CTXN2: variants seen among roughly 807,000 people sequenced by gnomAD.
CTXN2 encodes cortexin 2.
In CTXN2, 3 loss-of-function variants were observed where a neutral mutation model predicts 5.7. That is an observed-to-expected ratio of 0.53 (90% CI 0.24 to 1.36). The LOEUF is 1.36. Among genes scored for constraint, CTXN2 ranks in the 40% most tolerant of loss-of-function variants. CTXN2 has a pLI of 0.17. For missense variants in CTXN2, 87 were observed against 93.0 expected (o/e 0.94, Z 0.26); for synonymous variants, 38 against 36.4 (o/e 1.04, Z -0.16).
intron 1 of CTXN2, among the ~76,000 whole-genome samples, chr15:48,194,953 AG>A (rs1361493945): frequency 2.6e-5 from 4 of 152,152 alleles, no homozygotes; most frequent in Non-Finnish European, 5.9e-5. Flanking sequence ...TCCTGTATAA[AG>A]TCTTCTACAC....
rs910892521 is a variant in CTXN2 at position 48,179,405 on chromosome 15, T to TCACA, written c.-455+1014_-455+1017dup. On this transcript the variant is annotated intron_variant, in intron 1 of 2. Transcript: ENST00000644354. Reference sequence around the variant, plus strand: ...AAAAATACCAAGTTCAGCTACTTCATCACACACACACATACACACACACAC... The same window carrying TCACA: ...AAAAATACCAAGTTCAGCTACTTCATCACACACACACACACATACACACACACAC... Among the ~76,000 whole-genome samples the TCACA allele has an allele frequency of 4.2e-4, 19 of 44,908 alleles. No individual in the cohort carries two copies. In the Non-Finnish European group the frequency reaches 9.7e-3, roughly 23 times the overall value. The allele number at this position is 44,908 out of a possible 152,430, so 29.5% of individuals were successfully genotyped here.
chr15:48,197,993 A>G (rs1325128495), intron 1 of CTXN2, among the ~76,000 whole-genome samples: 2 of 152,124 alleles, frequency 1.3e-5, no homozygotes, highest in African/African-American at 4.8e-5. Flanking sequence ...TAAGCTAACC[A>G]ATGTCACTAC....
chr15:48,194,295 T>C (rs2040856653), intron 1 of CTXN2, among the ~76,000 whole-genome samples: 1 of 152,076 alleles, frequency 6.6e-6, no homozygotes, highest in Non-Finnish European at 1.5e-5. Flanking sequence ...AAAAACTGAA[T>C]ATGCAGTCAT....
chr15:48,190,502 T>G (rs1009878030), upstream of CTXN2, among the ~76,000 whole-genome samples: 4 of 152,178 alleles, frequency 2.6e-5, no homozygotes, highest in Non-Finnish European at 5.9e-5. Context: ...GCCCATTTTT[T>G]TGTAAGACCA....
At chr15:48,191,050 AG>A (rs936739684), upstream of CTXN2, 3 of 152,362 alleles carry the variant, frequency 2.0e-5, no homozygotes, top group Non-Finnish European at 4.4e-5. Flanking sequence ...GACAGCGCCT[AG>A]GCGCCTTCTC....
intron 1 of CTXN2, among the ~76,000 whole-genome samples, chr15:48,186,155 A>G (rs2040752018): frequency 6.6e-6 from 1 of 152,216 alleles, no homozygotes; most frequent in South Asian, 2.1e-4. Flanking sequence ...AACAGTGAAT[A>G]TAGTGGAGGG....
upstream of CTXN2, chr15:48,189,574 C>T (rs2140974425): frequency 6.6e-6 from 1 of 152,116 alleles, no homozygotes; most frequent in Non-Finnish European, 1.5e-5. Flanking sequence ...TACCACTGGT[C>T]CAGACAATGT....
At chr15:48,180,476 T>A (rs1170518812) in intron 1 of CTXN2, among the ~76,000 whole-genome samples, 1 of 152,226 alleles carries the variant, frequency 6.6e-6, no homozygotes, top group Non-Finnish European at 1.5e-5. Flanking sequence ...TTTCTGTATT[T>A]GCTTGTCTTC....
At chr15:48,194,459 C>T (rs944684504) in intron 1 of CTXN2, among the ~76,000 whole-genome samples, 2 of 152,112 alleles carry the variant, frequency 1.3e-5, no homozygotes, top group African/African-American at 4.8e-5. Flanking sequence ...CTCCTAGACT[C>T]TCAACTAAAT....
intron 1 of CTXN2, 38 bp from the exon 2 acceptor site, chr15:48,201,206 C>T (rs1484572361): frequency 3.0e-6 from 4 of 1,323,336 alleles, no homozygotes; most frequent in Non-Finnish European, 4.2e-6. Context: ...CAATACCATA[C>T]AAGGGTAAAA....
At chr15:48,183,852 A>G (rs1053790304) in intron 1 of CTXN2, among the ~76,000 whole-genome samples, 1 of 152,240 alleles carries the variant, frequency 6.6e-6, no homozygotes, top group East Asian at 1.9e-4. Flanking sequence ...GTAGGCTTGC[A>G]TAAGTGTCCA....
At chr15:48,180,897 C>A (rs1453962401) in intron 1 of CTXN2, among the ~76,000 whole-genome samples, 3 of 152,208 alleles carry the variant, frequency 2.0e-5, no homozygotes, top group Non-Finnish European at 2.9e-5. Flanking sequence ...CTTATTTTCC[C>A]ATGATTCACA....
upstream of CTXN2, chr15:48,189,254 C>T (rs1208170065): frequency 6.6e-6 from 1 of 152,152 alleles, no homozygotes. Context: ...TGTATGATGT[C>T]AATGACATAA....
chr15:48,198,772 T>G (rs2040902648), intron 1 of CTXN2, among the ~76,000 whole-genome samples: 1 of 152,174 alleles, frequency 6.6e-6, no homozygotes, highest in Non-Finnish European at 1.5e-5. Context: ...CTTCCAACAA[T>G]CAGCTATGAT....
upstream of CTXN2, among the ~76,000 whole-genome samples, chr15:48,187,725 A>G (rs1433480729): frequency 6.6e-6 from 1 of 152,196 alleles, no homozygotes; most frequent in African/African-American, 2.4e-5. Flanking sequence ...ATTCTAGAAT[A>G]TATTCATTAC....
rs1005729322 is a variant in CTXN2 at position 48,194,540 on chromosome 15, C to T, written c.-58+2687C>T. On this transcript the variant is annotated intron_variant, in intron 1 of 1. Coordinates refer to ENST00000417307, the MANE Select transcript of CTXN2 (RefSeq NM_001145668.2). ...TTTTCCAGTGCTTAGTTTCCATCAC[C>T]GCTGCAGAATTTGACACTGTTTGCT... Among the ~76,000 whole-genome samples the T allele has an allele frequency of 4.1e-4, 63 of 152,142 alleles. 1 individual carries two copies. Among genetic ancestry groups the T allele is most frequent in the African/African-American group, 1.4e-3 (59 of 41,522 alleles).
chr15:48,190,469 A>G (rs1001782255), upstream of CTXN2, among the ~76,000 whole-genome samples: 6 of 152,228 alleles, frequency 3.9e-5, no homozygotes, highest in Non-Finnish European at 8.8e-5. Context: ...ATGTGGTCTT[A>G]TATGAACTCT....
chr15:48,186,626 C>T (rs531221276), intron 1 of CTXN2, among the ~76,000 whole-genome samples: 1 of 151,960 alleles, frequency 6.6e-6, no homozygotes, highest in Non-Finnish European at 1.5e-5. Context: ...GTTGGCCAGG[C>T]GCGTTGGCTC....
chr15:48,201,209 G>C (rs2040925848), intron 1 of CTXN2, 35 bp from the exon 2 acceptor site: 2 of 1,347,946 alleles, frequency 1.5e-6, no homozygotes, highest in Admixed American at 4.3e-5. Context: ...TACCATACAA[G>C]GGTAAAACTA....
Sources: gnomAD v4.1 joint callset for allele counts (sites outside exome capture counted in the v4.1 genomes callset) on GRCh38, gnomAD v4.1.1 for gene constraint, MANE v1.5 for transcripts, NCBI Gene and HGNC (gene_info 2026-07-23, HGNC 2026-07-21) for gene names.